ITFG1: variants seen among roughly 807,000 people sequenced by gnomAD.
ITFG1 encodes integrin alpha FG-GAP repeat containing 1.
A neutral mutation model predicts 81.8 loss-of-function variants in ITFG1; 34 were observed. The observed-to-expected ratio is 0.42, with a 90% confidence interval of 0.32 to 0.55. ITFG1 has a LOEUF of 0.55. ITFG1 is among the 20% of genes least tolerant of loss of function. ITFG1 has a pLI of 0.17. For missense variants in ITFG1, 672 were observed against 755.4 expected, an observed-to-expected ratio of 0.89 and a Z score of 1.29; for synonymous variants, 285 against 270.6, an observed-to-expected ratio of 1.05 and a Z score of -0.52.
intron 7 of ITFG1, among the ~76,000 whole-genome samples, chr16:47,366,836 T>G (rs974030475): frequency 2.0e-5 from 3 of 152,180 alleles, no homozygotes; most frequent in Non-Finnish European, 4.4e-5. Flanking sequence ...GAGCACTGGT[T>G]TTCTCCCTTA....
At chr16:47,197,528 G>T (rs1047814799) in intron 14 of ITFG1, among the ~76,000 whole-genome samples, 1 of 152,194 alleles carries the variant, frequency 6.6e-6, no homozygotes, top group African/African-American at 2.4e-5. Flanking sequence ...TCCCTAAAAT[G>T]TATAAAATCT....
chr16:47,246,167 G>C (rs932366711), intron 12 of ITFG1, among the ~76,000 whole-genome samples: 2 of 152,100 alleles, frequency 1.3e-5, no homozygotes, highest in African/African-American at 4.8e-5. Flanking sequence ...TGTACAATAA[G>C]CTAAAAACTT....
At chr16:47,240,595 C>T (rs1467255430) in intron 12 of ITFG1, among the ~76,000 whole-genome samples, 1 of 152,140 alleles carries the variant, frequency 6.6e-6, no homozygotes, top group African/African-American at 2.4e-5. Context: ...TTATGAGATG[C>T]ATGCCCATGT....
rs535801150 is a variant in ITFG1 at position 47,357,033 on chromosome 16, T to G, written c.802+8755A>C. Among the ~76,000 whole-genome samples the G allele has an allele frequency of 6.6e-5, 10 of 151,646 alleles. No homozygotes were observed. The South Asian group carries it at 2.1e-3, about 32-fold the overall frequency. ...TCTGCAATAATCACTTTCATAGTAC[T>G]GTTGCAATAAAAAAAAAAAAGAAAG... On this transcript the variant is annotated intron_variant, in intron 8 of 17. Coordinates refer to ENST00000320640, the MANE Select transcript of ITFG1 (RefSeq NM_030790.5).
In ITFG1 at chr16:47,255,324, T is replaced by C. The variant is rs777167084; in HGVS notation, c.1330+3308A>G. ...CTGTCACTCATCATGTGTTACTCTT[T>C]CTGTGCATTTTTGGTGTAAGCCTGA... On this transcript the variant is annotated intron_variant, in intron 12 of 17. Coordinates refer to ENST00000320640, the MANE Select transcript of ITFG1 (RefSeq NM_030790.5). Among the ~76,000 whole-genome samples, 43 of 152,348 alleles carry C rather than the reference T, an allele frequency of 2.8e-4. 1 individual carries two copies. The highest frequency in any genetic ancestry group is 5.9e-4 in the Admixed American group (9 of 15,306).
Position 47,189,334 on chromosome 16 carries a change from A to AC in ITFG1, c.1454-26671_1454-26670insG, listed in dbSNP as rs796842451. 6.8e-4 allele frequency among the ~76,000 whole-genome samples: 104 copies of AC among 152,304 alleles called. 1 individual carries two copies. Among genetic ancestry groups the AC allele is most frequent in the African/African-American group, 2.4e-3 (98 of 41,562 alleles). On this transcript the variant is annotated intron_variant, in intron 14 of 17. Coordinates refer to ENST00000320640, the MANE Select transcript of ITFG1 (RefSeq NM_030790.5). The stretch of plus-strand genomic sequence containing the variant: ...CCAGAATATTTTCATTACCACAAAA[A>AC]AAACCCCACACCCAAGAGCACTTAG...
At chr16:47,428,556 A>C (rs1969053091) in intron 6 of ITFG1, among the ~76,000 whole-genome samples, 1 of 152,208 alleles carries the variant, frequency 6.6e-6, no homozygotes, top group African/African-American at 2.4e-5. Flanking sequence ...AATTATCATG[A>C]ATTCATAAAA....
At position 47,392,277 on chromosome 16, in the gene ITFG1, C is replaced by T. The variant is rs572830982; in HGVS notation, c.656-16337G>A. On this transcript the variant is annotated intron_variant, in intron 6 of 17. Transcript: ENST00000320640. Reference sequence around the variant, plus strand: ...AAAAAACCCTCAAAACGACGAACGCCCACAAAAACCACAAAACAAATAGAT... The same window carrying T: ...AAAAAACCCTCAAAACGACGAACGCTCACAAAAACCACAAAACAAATAGAT... 4.6e-5 allele frequency among the ~76,000 whole-genome samples: 7 copies of T among 152,166 alleles called. No homozygotes were observed. In the South Asian group the frequency reaches 1.5e-3, roughly 32 times the overall value.
chr16:47,217,660 C>T (rs1376700076), intron 14 of ITFG1, among the ~76,000 whole-genome samples: 1 of 152,212 alleles, frequency 6.6e-6, no homozygotes, highest in Non-Finnish European at 1.5e-5. Context: ...TGCAGTGGCT[C>T]ACGCCTGTAA....
chr16:47,369,898 G>A (rs1968228845), intron 7 of ITFG1, among the ~76,000 whole-genome samples: 1 of 145,058 alleles, frequency 6.9e-6, no homozygotes, highest in Non-Finnish European at 1.5e-5. Flanking sequence ...GGAGGGCAGT[G>A]GCGCGATCTT....
At chr16:47,430,216 T>C (rs2151610146) in intron 5 of ITFG1, among the ~76,000 whole-genome samples, 1 of 151,652 alleles carries the variant, frequency 6.6e-6, no homozygotes, top group South Asian at 2.1e-4. Context: ...TACCACCATG[T>C]TTGGGTAATT....
chr16:47,185,510 T>C (rs1465382095), intron 14 of ITFG1, among the ~76,000 whole-genome samples: 2 of 152,170 alleles, frequency 1.3e-5, no homozygotes, highest in African/African-American at 4.8e-5. Context: ...CCTGAATGAC[T>C]ACTGGGTACA....
At chr16:47,397,200 G>A (rs930227528) in intron 6 of ITFG1, among the ~76,000 whole-genome samples, 3 of 152,134 alleles carry the variant, frequency 2.0e-5, no homozygotes, top group Non-Finnish European at 4.4e-5. Context: ...AGCTACGGGG[G>A]ATGCTTCCAC....
At chr16:47,389,309 T>C (rs1968502012) in intron 6 of ITFG1, among the ~76,000 whole-genome samples, 1 of 152,186 alleles carries the variant, frequency 6.6e-6, no homozygotes, top group Non-Finnish European at 1.5e-5. Flanking sequence ...TTCCTTCTCC[T>C]TTCTTAACTG....
At chr16:47,327,242 T>C (rs1281004297) in intron 8 of ITFG1, among the ~76,000 whole-genome samples, 3 of 152,134 alleles carry the variant, frequency 2.0e-5, no homozygotes, top group Non-Finnish European at 2.9e-5. Context: ...CCCTATTTAA[T>C]AAATGGTGCT....
At chr16:47,461,106 C>CCGCGTTACCGGCCG, upstream of ITFG1, 10 of 1,423,520 alleles carry the variant, frequency 7.0e-6, no homozygotes, top group Non-Finnish European at 9.3e-6. Context: ...CCGCAAAGCA[C>CCGCGTTACCGGCCG]CGCGTTACCG....
At chr16:47,278,893 C>G (rs1389383174) in intron 10 of ITFG1, among the ~76,000 whole-genome samples, 1 of 152,148 alleles carries the variant, frequency 6.6e-6, no homozygotes, top group Non-Finnish European at 1.5e-5. Flanking sequence ...ATGGTGAATA[C>G]TTATGAAAGA....
At chr16:47,301,675 C>T (rs376467997) in intron 10 of ITFG1, among the ~76,000 whole-genome samples, 17 of 152,242 alleles carry the variant, frequency 1.1e-4, no homozygotes, top group East Asian at 5.8e-4. Context: ...GGATTACAGG[C>T]GTGAGCCATC....
At chr16:47,342,370 C>T (rs185000393) in intron 8 of ITFG1, among the ~76,000 whole-genome samples, 52 of 152,142 alleles carry the variant, frequency 3.4e-4, no homozygotes, top group African/African-American at 9.9e-4. Flanking sequence ...ATTTTCTGAA[C>T]ATGAATTTAT....
Sources: allele counts gnomAD v4.1 joint callset (sites outside exome capture counted in the v4.1 genomes callset), GRCh38; gene constraint gnomAD v4.1.1; transcripts MANE v1.5; gene names NCBI Gene and HGNC (gene_info 2026-07-23, HGNC 2026-07-21).